WNT9A: variants seen among roughly 807,000 people sequenced by gnomAD.
WNT9A encodes protein Wnt-9a.
Under a neutral mutation model 31.4 loss-of-function variants are expected in WNT9A, and 8 were observed. That is an observed-to-expected ratio of 0.26 (90% confidence interval 0.15 to 0.46). WNT9A has a LOEUF of 0.46. Ranked by LOEUF, WNT9A falls within the 20% of genes least tolerant of loss-of-function variation. WNT9A has a pLI of 0.99. For missense variants in WNT9A, 457 were observed against 522.9 expected, an observed-to-expected ratio of 0.87 and a Z score of 1.23; for synonymous variants, 236 against 220.1, an observed-to-expected ratio of 1.07 and a Z score of -0.64.
intron 1 of WNT9A, among the ~76,000 whole-genome samples, chr1:227,947,502 G>C (rs115722277): frequency 2.0e-5 from 3 of 152,058 alleles, no homozygotes; most frequent in Non-Finnish European, 4.4e-5. Flanking sequence ...CCTGATCCCA[G>C]TCCCTAAGCG....
In WNT9A at chr1:227,940,427, A is replaced by G. The variant is rs16848221; in HGVS notation, c.95+7366T>C. 8.0e-3 allele frequency among the ~76,000 whole-genome samples: 1,214 copies of G among 152,192 alleles called. 17 individuals are homozygous for G. Among genetic ancestry groups the G allele is most frequent in the African/African-American group, 0.027 (1,139 of 41,504 alleles). On this transcript the variant is annotated intron_variant, in intron 1 of 3. Transcript: ENST00000272164. ...TCAGCAGGACAGGGAGAGCCACGCA[A>G]CCTTCCAGTGGCCACCAGTGTCACC...
At position 227,921,645 on chromosome 1, in the gene WNT9A, C is replaced by G. The variant is rs1666316308; in HGVS notation, c.971G>C (p.Cys324Ser). ...HREKNCESIC[C>S]GRGHNTQSRV... ...GCTCTGTGTGTTATGGCCGCGGCCACAGCAGATGCTCTCGCAGTTCTTCTC... is the reference window on the plus strand; with the variant it reads ...GCTCTGTGTGTTATGGCCGCGGCCAGAGCAGATGCTCTCGCAGTTCTTCTC... Residue 324 changes from cysteine (C) to serine (S), a missense_variant, in exon 4 of 4, where the codon TGT (cysteine) becomes TCT (serine). Cys to Ser is a moderately radical substitution (Grantham distance 112). Coordinates refer to ENST00000272164, the MANE Select transcript of WNT9A (RefSeq NM_003395.4). 1.9e-6 allele frequency: 3 copies of G among 1,613,276 alleles called. No homozygotes were observed. Among genetic ancestry groups the G allele is most frequent in the Non-Finnish European group, 2.5e-6 (3 of 1,180,012 alleles).
intron 1 of WNT9A, among the ~76,000 whole-genome samples, chr1:227,940,414 G>C (rs1666677893): frequency 6.6e-6 from 1 of 152,318 alleles, no homozygotes; most frequent in East Asian, 1.9e-4. Context: ...AGCAGGACAG[G>C]GAGAGCCACG....
Position 227,920,657 on chromosome 1 carries a change from C to G in WNT9A, c.*861G>C, listed in dbSNP as rs1251770476. The stretch of plus-strand genomic sequence containing the variant: ...TGGGGCAGCCTGGGCCAGGCCAGTC[C>G]CCAACGGGTGGCCCACACGGAGGCC... On this transcript the variant is annotated 3_prime_UTR_variant, in exon 4 of 4. Coordinates refer to ENST00000272164, the MANE Select transcript of WNT9A (RefSeq NM_003395.4). The G allele has an allele frequency of 6.6e-6, 1 of 152,074 alleles. No homozygotes were observed. Among genetic ancestry groups the G allele is most frequent in the African/African-American group, 2.4e-5 (1 of 41,382 alleles). The allele number at this position is 152,074 out of a possible 1,614,324, so 9.4% of individuals were successfully genotyped here.
intron 1 of WNT9A, among the ~76,000 whole-genome samples, chr1:227,929,543 C>T (rs908460988): frequency 3.9e-5 from 6 of 152,206 alleles, no homozygotes; most frequent in Non-Finnish European, 7.3e-5. Context: ...AGTGTCCTTA[C>T]GGACCCCAGG....
rs1226313023 is a variant in WNT9A, at chr1:227,921,087, G to A, written c.*431C>T. On this transcript the variant is annotated 3_prime_UTR_variant, in exon 4 of 4. Transcript: ENST00000272164. ...CAGGGTTGGCCAGGCCCGGGGACTC[G>A]TCCCTTGCAGGTGTAGACCTTCTCA... 1.6e-5 allele frequency: 3 copies of A among 182,530 alleles called. No individual in the cohort carries two copies. Among genetic ancestry groups the A allele is most frequent in the Non-Finnish European group, 2.3e-5 (2 of 86,902 alleles). The allele number at this position is 182,530 out of a possible 1,614,324, so 11.3% of individuals were successfully genotyped here. A position where few individuals can be genotyped will look rare whatever the true frequency, so the allele number is the denominator to read the frequency against.
chr1:227,937,683 T>A (rs1666619885), intron 1 of WNT9A, among the ~76,000 whole-genome samples: 1 of 152,242 alleles, frequency 6.6e-6, no homozygotes, highest in South Asian at 2.1e-4. Context: ...CGCTGGCAGC[T>A]GGCAGAGGCA....
chr1:227,938,919 G>A (rs968463006), intron 1 of WNT9A, among the ~76,000 whole-genome samples: 1 of 152,186 alleles, frequency 6.6e-6, no homozygotes, highest in African/African-American at 2.4e-5. Context: ...AGGCAGGGCT[G>A]GGACCTGAAA....
intron 1 of WNT9A, among the ~76,000 whole-genome samples, chr1:227,945,242 C>T (rs1572137816): frequency 6.6e-6 from 1 of 152,242 alleles, no homozygotes; most frequent in Non-Finnish European, 1.5e-5. Flanking sequence ...TCCCTATGAC[C>T]TCGGGCTGGC....
rs1572125717 is a variant in WNT9A, at chr1:227,925,542, G to A, written c.96-23C>T. 1.3e-6 allele frequency: 2 copies of A among 1,494,844 alleles called. No homozygotes were observed. Among genetic ancestry groups the A allele is most frequent in the African/African-American group, 1.4e-5 (1 of 71,826 alleles). The allele number at this position is 1,494,844 out of a possible 1,614,324, so 92.6% of individuals were successfully genotyped here. A position where few individuals can be genotyped will look rare whatever the true frequency, so the allele number is the denominator to read the frequency against. On this transcript the variant is annotated intron_variant, in intron 1 of 3. Transcript: ENST00000272164. The surrounding 1 kb of genome is among the most constrained non-coding windows in gnomAD (Gnocchi z 6.0). Reference sequence around the variant, plus strand: ...AGCCTGGGCACAGAGAGGCCAGCATGAGCCCGGCCCCAGGAAGCCCTGCTG... The same window carrying A: ...AGCCTGGGCACAGAGAGGCCAGCATAAGCCCGGCCCCAGGAAGCCCTGCTG...
rs149009608 is a variant in WNT9A, at chr1:227,924,197, G to A, written c.556C>T (p.Arg186Trp). Residue 186 changes from arginine (R) to tryptophan (W), a missense_variant, in exon 3 of 4, where the codon CGG becomes TGG. Transcript: ENST00000272164. Reference sequence around the variant, plus strand: ...CGGGCTCGCAGATCCTTGCTTGACCGTCTGCCCAGGAATTCCTTGACGAAC... The same window carrying A: ...CGGGCTCGCAGATCCTTGCTTGACCATCTGCCCAGGAATTCCTTGACGAAC... ...SKFVKEFLGR[R>W]SSKDLRARVD... The A allele has an allele frequency of 2.5e-4, 371 of 1,493,910 alleles. 3 individuals are homozygous for A. The highest frequency in any genetic ancestry group is 1.8e-3 in the African/African-American group (125 of 70,634). The allele number at this position is 1,493,910 out of a possible 1,614,324, so 92.5% of individuals were successfully genotyped here.
At position 227,925,509 on chromosome 1, in the gene WNT9A, T is replaced by C; in HGVS notation, c.106A>G (p.Ser36Gly). 6.5e-7 allele frequency: 1 copy of C among 1,546,848 alleles called. No individual in the cohort carries two copies. Among genetic ancestry groups the C allele is most frequent in the Non-Finnish European group, 8.7e-7 (1 of 1,150,706 alleles). ...AGCGGGAGGATGGTCAGGGGCTCGC[T>C]GCCCGTCAGCCTGGGCACAGAGAGG... ...PSAAYFGLTGSEPLTILPLTL... is the reference protein window; with the variant it reads ...PSAAYFGLTGGEPLTILPLTL... The change falls in exon 2 of 4, where the codon AGC becomes GGC. Residue 36 changes from serine (S) to glycine (G), a missense_variant. By Grantham distance (56) the Ser-to-Gly change is moderately conservative. Transcript: ENST00000272164. This position sits in a 1 kb window ranked among gnomAD's most constrained non-coding sequence, Gnocchi z 6.0.
chr1:227,947,573 C>G (rs1169245613), intron 1 of WNT9A, among the ~76,000 whole-genome samples: 2 of 150,962 alleles, frequency 1.3e-5, no homozygotes, highest in African/African-American at 4.8e-5. Flanking sequence ...CACGGAGGAC[C>G]GCGGCCCGGC....
chr1:227,947,270 AAAAT>A (rs1666809902), intron 1 of WNT9A, among the ~76,000 whole-genome samples: 1 of 151,996 alleles, frequency 6.6e-6, no homozygotes, highest in South Asian at 2.1e-4. Flanking sequence ...AAGCGCAAGA[AAAAT>A]AAATTCCTCC....
chr1:227,924,062 TCCCAC>T, intron 3 of WNT9A, 71 bp downstream of exon 3: 18 of 234,952 alleles, frequency 7.7e-5, no homozygotes, highest in East Asian at 3.1e-4. Flanking sequence ...CCGCCCCCAG[TCCCAC>T]GCCCCACCCC....
intron 1 of WNT9A, among the ~76,000 whole-genome samples, chr1:227,943,026 G>C (rs987487237): frequency 2.6e-5 from 4 of 152,200 alleles, no homozygotes; most frequent in Admixed American, 2.6e-4. Context: ...CCCCAGGCCT[G>C]ATGCACAGAG....
At chr1:227,943,745 G>T (rs960199322) in intron 1 of WNT9A, among the ~76,000 whole-genome samples, 1 of 152,212 alleles carries the variant, frequency 6.6e-6, no homozygotes, top group Admixed American at 6.5e-5. Context: ...CGAGGCTGAC[G>T]TGGGAGATCC....
Position 227,925,620 on chromosome 1 carries a change from C to G in WNT9A, c.96-101G>C. The G allele has an allele frequency of 7.1e-7, 1 of 1,413,696 alleles. No homozygotes were observed. Among genetic ancestry groups the G allele is most frequent in the Non-Finnish European group, 9.2e-7 (1 of 1,085,628 alleles). The allele number at this position is 1,413,696 out of a possible 1,614,324, so 87.6% of individuals were successfully genotyped here. On this transcript the variant is annotated intron_variant, in intron 1 of 3. Coordinates refer to ENST00000272164, the MANE Select transcript of WNT9A (RefSeq NM_003395.4). The surrounding 1 kb of genome is among the most constrained non-coding windows in gnomAD (Gnocchi z 6.0). ...GGGTACAGGGGACAGGCGTGTCCAT[C>G]CGGGGGTGAGGGGGCAGAAAGAATC...
At chr1:227,931,035 T>A (rs1171940365) in intron 1 of WNT9A, among the ~76,000 whole-genome samples, 1 of 151,852 alleles carries the variant, frequency 6.6e-6, no homozygotes, top group Non-Finnish European at 1.5e-5. Context: ...TGTTATCAAA[T>A]GTCATCCCTA....
Sources: allele counts gnomAD v4.1 joint callset (sites outside exome capture counted in the v4.1 genomes callset), GRCh38; gene constraint gnomAD v4.1.1; non-coding constraint Gnocchi (gnomAD v3.1); transcripts MANE v1.5; gene names NCBI Gene and HGNC (gene_info 2026-07-23, HGNC 2026-07-21).